The following CTCFL variants were observed in gnomAD, a reference collection of about 807,000 sequenced individuals.
The protein encoded by CTCFL is CCCTC-binding factor like.
CTCFL carries 36 observed loss-of-function variants against 67.4 expected under a neutral mutation model. The ratio of observed to expected loss-of-function variants is 0.53; its 90% confidence interval spans 0.41 to 0.71. The LOEUF is 0.71. CTCFL is among the 30% of genes least tolerant of loss of function. The pLI is 0.00. For synonymous variants in CTCFL, 324 were observed against 302.3 expected, an observed-to-expected ratio of 1.07 and a Z score of -0.75; for missense variants, 786 against 835.2, an observed-to-expected ratio of 0.94 and a Z score of 0.73.
At chr20:57,511,794 T>C (rs1474712995) in intron 8 of CTCFL, among the ~76,000 whole-genome samples, 1 of 152,084 alleles carries the variant, frequency 6.6e-6, no homozygotes, top group African/African-American at 2.4e-5. Flanking sequence ...GGTTTCACCA[T>C]ATTGGCCAGG....
At chr20:57,504,490 A>G (rs900899501) in intron 9 of CTCFL, among the ~76,000 whole-genome samples, 2 of 151,252 alleles carry the variant, frequency 1.3e-5, no homozygotes, top group Non-Finnish European at 3.0e-5. Context: ...CATGCTGGCC[A>G]GGCTGGACTC....
At position 57,498,061 on chromosome 20, in the gene CTCFL, G is replaced by T; in HGVS notation, c.*489C>A. The T allele has an allele frequency of 1.1e-6, 1 of 905,750 alleles. No homozygotes were observed. The highest frequency in any genetic ancestry group is 1.3e-6 in the Non-Finnish European group (1 of 757,494). The allele number at this position is 905,750 out of a possible 1,614,324, so 56.1% of individuals were successfully genotyped here. A position where few individuals can be genotyped will look rare whatever the true frequency, so the allele number is the denominator to read the frequency against. On this transcript the variant is annotated 3_prime_UTR_variant, in exon 11 of 11. Coordinates refer to ENST00000243914, the MANE Select transcript of CTCFL (RefSeq NM_001386993.1). ...TTGTATAAAAACATTTGTCTTTAAT[G>T]TTTAAAACCATATATTATTAGAAAT...
intron 8 of CTCFL, among the ~76,000 whole-genome samples, chr20:57,512,277 G>A (rs1338643607): frequency 6.6e-6 from 1 of 152,132 alleles, no homozygotes; most frequent in Non-Finnish European, 1.5e-5. Flanking sequence ...CCGGGCTAAG[G>A]ACCACCACTA....
chr20:57,506,322 C>T (rs184371333), intron 9 of CTCFL, among the ~76,000 whole-genome samples: 212 of 152,162 alleles, frequency 1.4e-3, no homozygotes, highest in African/African-American at 4.9e-3. Flanking sequence ...TGTTTTTTTC[C>T]TGAGACAGTC....
At chr20:57,504,058 G>T (rs546482328) in intron 9 of CTCFL, among the ~76,000 whole-genome samples, 1 of 147,970 alleles carries the variant, frequency 6.8e-6, no homozygotes, top group African/African-American at 2.5e-5. Context: ...CTCACTGCAA[G>T]CTCCGCCTCC....
At chr20:57,503,228 A>G (rs528540180) in intron 10 of CTCFL, among the ~76,000 whole-genome samples, 7 of 152,350 alleles carry the variant, frequency 4.6e-5, no homozygotes, top group African/African-American at 7.2e-5. Flanking sequence ...GGGGCCACAC[A>G]TGGACCTGCG....
At chr20:57,503,317 G>C (rs750778184) in intron 10 of CTCFL, 119 bp downstream of exon 10, 9 of 1,206,588 alleles carry the variant, frequency 7.5e-6, no homozygotes, top group Non-Finnish European at 1.1e-5. Flanking sequence ...TTGCAGGACC[G>C]ACTGGTGGAC....
intron 7 of CTCFL, chr20:57,513,254 T>C: frequency 1.0e-6 from 1 of 985,658 alleles, no homozygotes; most frequent in Non-Finnish European, 1.2e-6. Flanking sequence ...ATCCACTCGT[T>C]GTTAGAAGTC....
chr20:57,516,200 A>C (rs1210663020), intron 5 of CTCFL, among the ~76,000 whole-genome samples: 2 of 151,730 alleles, frequency 1.3e-5, no homozygotes, highest in Non-Finnish European at 2.9e-5. Context: ...GTAAAAGCAC[A>C]AAGGCAAACA....
Position 57,523,675 on chromosome 20 carries a change from A to T in CTCFL, c.531T>A (p.Thr177=). 2 of 1,613,502 alleles carry T rather than the reference A, an allele frequency of 1.2e-6. No individual in the cohort carries two copies. Among genetic ancestry groups the T allele is most frequent in the Non-Finnish European group, 1.7e-6 (2 of 1,179,912 alleles). Residue 177 remains threonine (T), a synonymous_variant, in exon 2 of 11, where the codon ACT becomes ACA. Transcript: ENST00000243914. ...SKLAVSLAET[T]GLIKLEEEQE... The stretch of plus-strand genomic sequence containing the variant: ...AAACCAGCTGTACCTTGATCAGTCC[A>T]GTAGTTTCAGCCAGGCTCACCGCTA...
intron 1 of CTCFL, 120 bp from the exon 2 acceptor site, chr20:57,524,336 G>A: frequency 6.7e-7 from 1 of 1,498,564 alleles, no homozygotes; most frequent in Non-Finnish European, 8.8e-7. Context: ...GGCCTCAAAA[G>A]GTTTTGGACT....
intron 9 of CTCFL, among the ~76,000 whole-genome samples, 165 bp from the exon 10 acceptor site, chr20:57,503,766 A>G (rs1039535828): frequency 1.3e-5 from 2 of 152,096 alleles, no homozygotes; most frequent in East Asian, 3.9e-4. Flanking sequence ...AAGCAACTTG[A>G]TAAGCAAGAA....
Position 57,497,627 on chromosome 20 carries a change from A to G in CTCFL, c.*923T>C. The G allele has an allele frequency of 1.0e-6, 1 of 985,300 alleles. No homozygotes were observed. The allele number at this position is 985,300 out of a possible 1,614,324, so 61.0% of individuals were successfully genotyped here. On this transcript the variant is annotated 3_prime_UTR_variant, in exon 11 of 11. Coordinates refer to ENST00000243914, the MANE Select transcript of CTCFL (RefSeq NM_001386993.1). ...AATCTTGTCAACTGGCAAAAGGGAA[A>G]TACTCACTAATCACTGGGCATTATG... is the stretch of plus-strand genomic sequence containing the variant.
intron 5 of CTCFL, among the ~76,000 whole-genome samples, chr20:57,517,606 C>T (rs149283330): frequency 2.6e-5 from 4 of 152,218 alleles, no homozygotes; most frequent in Admixed American, 6.5e-5. Context: ...AAAAAAGGGG[C>T]ACATCTGCAC....
chr20:57,519,850 C>T (rs2069220332), intron 3 of CTCFL, among the ~76,000 whole-genome samples: 1 of 152,144 alleles, frequency 6.6e-6, no homozygotes, highest in Non-Finnish European at 1.5e-5. Flanking sequence ...TAGAATGGTG[C>T]CATCCAAAAC....
At chr20:57,499,472 T>G (rs1337125278) in intron 10 of CTCFL, 1 of 153,620 alleles carries the variant, frequency 6.5e-6, no homozygotes, top group African/African-American at 2.4e-5. Flanking sequence ...CCCAACCTTT[T>G]CAGTACCAGG....
chr20:57,521,303 TGAG>T (rs2069341738), intron 3 of CTCFL, among the ~76,000 whole-genome samples: 1 of 152,166 alleles, frequency 6.6e-6, no homozygotes, highest in Non-Finnish European at 1.5e-5. Flanking sequence ...AATGAAAACA[TGAG>T]GAGATAGTCA....
intron 10 of CTCFL, among the ~76,000 whole-genome samples, chr20:57,498,907 G>A (rs550756942): frequency 4.6e-5 from 7 of 152,098 alleles, no homozygotes; most frequent in African/African-American, 1.7e-4. Context: ...CGCTACAGAC[G>A]TTTGGGGCCA....
At chr20:57,509,357 G>A (rs1230113600) in intron 8 of CTCFL, among the ~76,000 whole-genome samples, 1 of 145,638 alleles carries the variant, frequency 6.9e-6, no homozygotes, top group Non-Finnish European at 1.5e-5. Flanking sequence ...TCAAACTCCT[G>A]GGCCCAAGTG....
Sources: gnomAD v4.1 joint callset for allele counts (sites outside exome capture counted in the v4.1 genomes callset) on GRCh38, gnomAD v4.1.1 for gene constraint, MANE v1.5 for transcripts, NCBI Gene and HGNC (gene_info 2026-07-23, HGNC 2026-07-21) for gene names.